OPCML: variants seen among roughly 807,000 people sequenced by gnomAD.
OPCML encodes the protein opioid-binding protein/cell adhesion molecule.
A neutral mutation model predicts 37.8 loss-of-function variants in OPCML; 13 were observed. That is an observed-to-expected ratio of 0.34 (90% CI 0.22 to 0.55). The LOEUF is 0.55. Ranked by LOEUF, OPCML falls within the 20% of genes least tolerant of loss-of-function variation. OPCML has a pLI of 0.91. For missense variants in OPCML, 341 were observed against 435.6 expected, an observed-to-expected ratio of 0.78 and a Z score of 1.93; for synonymous variants, 176 against 168.8, an observed-to-expected ratio of 1.04 and a Z score of -0.33.
At chr11:133,355,587 C>T (rs1462616222) in intron 1 of OPCML, among the ~76,000 whole-genome samples, 1 of 152,180 alleles carries the variant, frequency 6.6e-6, no homozygotes, top group African/African-American at 2.4e-5. Flanking sequence ...CCTACTATGT[C>T]GGTGGCACAG....
chr11:132,641,878 C>T (rs976973964), intron 3 of OPCML, among the ~76,000 whole-genome samples: 6 of 152,128 alleles, frequency 3.9e-5, no homozygotes, highest in South Asian at 4.1e-4. Flanking sequence ...TTGGATTAGC[C>T]GTGGCCAGTG....
chr11:133,326,192 C>T (rs564694910), intron 1 of OPCML, among the ~76,000 whole-genome samples: 7 of 151,542 alleles, frequency 4.6e-5, no homozygotes, highest in African/African-American at 1.5e-4. Flanking sequence ...TTATTCCACC[C>T]GATTTTGCCT....
chr11:132,512,213 A>G (rs532229902), intron 4 of OPCML, among the ~76,000 whole-genome samples: 5 of 152,228 alleles, frequency 3.3e-5, no homozygotes, highest in African/African-American at 1.2e-4. Context: ...AAGACAGGAT[A>G]CTATACAATG....
chr11:132,484,061 A>G (rs1280045423), intron 4 of OPCML, among the ~76,000 whole-genome samples: 9 of 152,226 alleles, frequency 5.9e-5, no homozygotes, highest in Admixed American at 5.2e-4. Flanking sequence ...GCCAAAATTG[A>G]CAAATGGGAC....
At chr11:133,279,175 T>TCC (rs1312701299) in intron 1 of OPCML, among the ~76,000 whole-genome samples, 1 of 152,086 alleles carries the variant, frequency 6.6e-6, no homozygotes, top group Admixed American at 6.6e-5. Flanking sequence ...AGCAGCAATC[T>TCC]CCCCTCCTTG....
At chr11:133,502,648 A>T (rs1312117202) in intron 1 of OPCML, among the ~76,000 whole-genome samples, 1 of 152,236 alleles carries the variant, frequency 6.6e-6, no homozygotes, top group African/African-American at 2.4e-5. Context: ...CAGGGAAGAA[A>T]GGAATCTGAG....
intron 1 of OPCML, among the ~76,000 whole-genome samples, chr11:132,960,382 C>T (rs759439096): frequency 2.0e-5 from 3 of 152,152 alleles, no homozygotes; most frequent in African/African-American, 7.2e-5. Flanking sequence ...GGGAATCCCA[C>T]GTGTGTAAAA....
At chr11:133,075,610 A>G (rs543467576) in intron 1 of OPCML, among the ~76,000 whole-genome samples, 80 of 152,346 alleles carry the variant, frequency 5.3e-4, no homozygotes, top group African/African-American at 1.8e-3. Flanking sequence ...TGGCCCCCCA[A>G]GAAAAGTCTT....
chr11:132,641,507 C>A (rs1035671572), intron 3 of OPCML, among the ~76,000 whole-genome samples: 1 of 152,192 alleles, frequency 6.6e-6, no homozygotes, highest in Non-Finnish European at 1.5e-5. Flanking sequence ...TCAGAGCTAT[C>A]CTTGGGCGTC....
chr11:132,503,082 T>G (rs1020838238), intron 4 of OPCML, among the ~76,000 whole-genome samples: 3 of 152,020 alleles, frequency 2.0e-5, no homozygotes, highest in Non-Finnish European at 4.4e-5. Context: ...TCCCCCGCTA[T>G]TCTACACTGC....
chr11:132,903,142 G>T (rs149666649), intron 2 of OPCML, among the ~76,000 whole-genome samples: 22 of 152,140 alleles, frequency 1.4e-4, no homozygotes, highest in African/African-American at 5.1e-4. Flanking sequence ...GGACTTCTGT[G>T]TCCATAGCCT....
chr11:133,161,645 T>A (rs1294049657), intron 1 of OPCML, among the ~76,000 whole-genome samples: 1 of 152,168 alleles, frequency 6.6e-6, no homozygotes, highest in Non-Finnish European at 1.5e-5. Context: ...ATAACTCACA[T>A]CAAATGGAGA....
At chr11:132,470,368 T>C (rs1321547006) in intron 4 of OPCML, among the ~76,000 whole-genome samples, 1 of 152,048 alleles carries the variant, frequency 6.6e-6, no homozygotes, top group African/African-American at 2.4e-5. Flanking sequence ...GAATGACACC[T>C]AGATTTTTTT....
At chr11:133,499,038 C>A (rs1591569149) in intron 1 of OPCML, among the ~76,000 whole-genome samples, 1 of 152,186 alleles carries the variant, frequency 6.6e-6, no homozygotes, top group Non-Finnish European at 1.5e-5. Context: ...ACAGGGCCAG[C>A]GTTGGATCTT....
chr11:132,465,236 A>G (rs1403633871), intron 4 of OPCML, among the ~76,000 whole-genome samples: 1 of 152,174 alleles, frequency 6.6e-6, no homozygotes, highest in Non-Finnish European at 1.5e-5. Context: ...TTTCTAAGGA[A>G]AAGATTCTTA....
chr11:132,570,784 T>G lies in OPCML; in HGVS notation c.380-41598A>C, dbSNP rs1195619836. On this transcript the variant is annotated intron_variant, in intron 3 of 7. Transcript: ENST00000524381. ...ATATATATATATATATATATATATA[T>G]ATATATATATATATATATTTAGAGA... Among the ~76,000 whole-genome samples, 444 of 107,124 alleles carry G rather than the reference T, an allele frequency of 4.1e-3. 7 individuals are homozygous for G. Among genetic ancestry groups the G allele is most frequent in the Non-Finnish European group, 6.9e-3 (353 of 51,332 alleles). 70.3% of individuals were successfully genotyped at this position (107,124 alleles called of 152,430 possible). A position where few individuals can be genotyped will look rare whatever the true frequency, so the allele number is the denominator to read the frequency against.
intron 1 of OPCML, among the ~76,000 whole-genome samples, chr11:133,259,652 G>C (rs1037162850): frequency 4.6e-5 from 7 of 152,108 alleles, no homozygotes; most frequent in African/African-American, 1.7e-4. Context: ...AGTGAGAGAA[G>C]AATAGTAAAA....
chr11:132,492,340 G>A (rs2096218685), intron 4 of OPCML, among the ~76,000 whole-genome samples: 1 of 152,094 alleles, frequency 6.6e-6, no homozygotes, highest in African/African-American at 2.4e-5. Context: ...ATGCTGCACT[G>A]ATGTGGTGGG....
At chr11:133,081,421 C>G (rs1211439876) in intron 1 of OPCML, among the ~76,000 whole-genome samples, 1 of 152,178 alleles carries the variant, frequency 6.6e-6, no homozygotes, top group African/African-American at 2.4e-5. Flanking sequence ...CAATTCGTAA[C>G]CCAGTGTGTG....
Sources: allele counts gnomAD v4.1 joint callset (sites outside exome capture counted in the v4.1 genomes callset), GRCh38; gene constraint gnomAD v4.1.1; transcripts MANE v1.5; gene names NCBI Gene and HGNC (gene_info 2026-07-23, HGNC 2026-07-21).